The following TAFA5 variants were observed in gnomAD, a reference collection of about 807,000 sequenced individuals.
TAFA5 encodes chemokine-like protein TAFA-5.
A neutral mutation model predicts 15.3 loss-of-function variants in TAFA5; 6 were observed. The observed-to-expected ratio is 0.39, with a 90% confidence interval of 0.21 to 0.77. The LOEUF (loss-of-function observed/expected upper bound fraction) is 0.77. TAFA5 is among the 30% of genes least tolerant of loss of function. The pLI is 0.41. For missense variants in TAFA5, 161 were observed against 193.1 expected, an observed-to-expected ratio of 0.83 and a Z score of 0.98; for synonymous variants, 103 against 80.7, an observed-to-expected ratio of 1.28 and a Z score of -1.48.
intron 2 of TAFA5, chr22:48,693,339 A>T: frequency 6.2e-7 from 1 of 1,612,440 alleles, no homozygotes; most frequent in African/African-American, 1.3e-5. Context: ...AAAAACCAGG[A>T]AAGCACAAAC....
At chr22:48,531,404 C>T (rs192012791) in intron 1 of TAFA5, among the ~76,000 whole-genome samples, 2 of 152,310 alleles carry the variant, frequency 1.3e-5, no homozygotes, top group African/African-American at 4.8e-5. Flanking sequence ...TTGCAGACAA[C>T]GTGAGTCTTG....
chr22:48,675,181 A>G (rs2147225010), intron 2 of TAFA5, among the ~76,000 whole-genome samples: 2 of 152,292 alleles, frequency 1.3e-5, no homozygotes, highest in Non-Finnish European at 2.9e-5. Flanking sequence ...ACGTCAGGTG[A>G]TCCACCCACC....
At chr22:48,603,363 G>C (rs904551812) in intron 1 of TAFA5, among the ~76,000 whole-genome samples, 7 of 152,250 alleles carry the variant, frequency 4.6e-5, no homozygotes, top group African/African-American at 1.7e-4. Context: ...CGGCCACGCA[G>C]TGCGGCCACG....
intron 1 of TAFA5, among the ~76,000 whole-genome samples, chr22:48,594,411 A>G (rs28717991): frequency 0.19 from 29,399 of 152,174 alleles, 2,981 homozygotes; most frequent in East Asian, 0.24. Flanking sequence ...GCTCCGAGGC[A>G]CACACACACG....
chr22:48,497,466 A>AG (rs1928372453), intron 1 of TAFA5, among the ~76,000 whole-genome samples: 1 of 148,340 alleles, frequency 6.7e-6, no homozygotes. Flanking sequence ...TCCAGTGGCC[A>AG]GGGGTCATCA....
chr22:48,633,568 A>G (rs1269476116), intron 1 of TAFA5, among the ~76,000 whole-genome samples: 2 of 123,650 alleles, frequency 1.6e-5, no homozygotes, highest in Non-Finnish European at 3.4e-5. Flanking sequence ...CCATCTCTCC[A>G]TGCTTTGCTC....
intron 1 of TAFA5, chr22:48,546,680 A>C: frequency 2.2e-6 from 1 of 451,970 alleles, no homozygotes; most frequent in Non-Finnish European, 4.6e-6. Flanking sequence ...GGTCCGCAGG[A>C]TGGGGGGCTC....
intron 1 of TAFA5, chr22:48,539,542 C>A: frequency 2.2e-6 from 1 of 463,366 alleles, no homozygotes; most frequent in Non-Finnish European, 4.5e-6. Context: ...CTTTTCTCTT[C>A]CCACTTTCTG....
chr22:48,729,757 A>C (rs1013762672), intron 3 of TAFA5, among the ~76,000 whole-genome samples: 8 of 147,702 alleles, frequency 5.4e-5, no homozygotes, highest in Middle Eastern at 7.2e-3. Flanking sequence ...TTAAATATGA[A>C]ATATATAAAT....
chr22:48,707,914 C>A lies in TAFA5; in HGVS notation c.390+70C>A, dbSNP rs1043205306. On this transcript the variant is annotated intron_variant, in intron 3 of 3. Transcript: ENST00000402357. ...ATGTGTGTGCGGGCCTCCGACGCCA[C>A]CCGGGCTCCGCGGGGACAGGTGGCA... The A allele has an allele frequency of 5.8e-6, 9 of 1,554,734 alleles. No individual in the cohort carries two copies. In the African/African-American group the frequency reaches 9.5e-5, roughly 16 times the overall value.
chr22:48,622,762 T>C (rs960489578), intron 1 of TAFA5, among the ~76,000 whole-genome samples: 22 of 152,194 alleles, frequency 1.4e-4, no homozygotes, highest in African/African-American at 5.3e-4. Context: ...GCTCAGCTTG[T>C]GTGGCCGCCT....
intron 1 of TAFA5, among the ~76,000 whole-genome samples, chr22:48,606,295 G>A (rs548535291): frequency 2.6e-5 from 4 of 152,308 alleles, no homozygotes; most frequent in East Asian, 1.9e-4. Flanking sequence ...GTGGCGAACC[G>A]TCGGAGACAG....
intron 3 of TAFA5, among the ~76,000 whole-genome samples, chr22:48,741,807 T>C (rs1189415467): frequency 1.3e-5 from 2 of 152,196 alleles, no homozygotes; most frequent in South Asian, 4.1e-4. Flanking sequence ...GTTCAAGCCA[T>C]CCAGTCTGGG....
intron 2 of TAFA5, among the ~76,000 whole-genome samples, chr22:48,662,402 T>C (rs1286515391): frequency 6.6e-6 from 1 of 152,076 alleles, no homozygotes; most frequent in African/African-American, 2.4e-5. Flanking sequence ...GGACCATAAG[T>C]TCAGGGCAGC....
intron 3 of TAFA5, among the ~76,000 whole-genome samples, chr22:48,735,572 T>C (rs1410227568): frequency 6.6e-6 from 1 of 152,208 alleles, no homozygotes; most frequent in African/African-American, 2.4e-5. Flanking sequence ...AGGATGCTAA[T>C]AGGAATGAAG....
chr22:48,622,725 A>G (rs1925884011), intron 1 of TAFA5, among the ~76,000 whole-genome samples: 1 of 152,250 alleles, frequency 6.6e-6, no homozygotes, highest in Admixed American at 6.5e-5. Flanking sequence ...AGGAGGTGGT[A>G]TCGATGCGGG....
At chr22:48,576,281 G>T (rs967358955) in intron 1 of TAFA5, 50 of 373,756 alleles carry the variant, frequency 1.3e-4, no homozygotes, top group Non-Finnish European at 1.8e-4. Flanking sequence ...CCCTCCCCCC[G>T]CCCGCTCCCC....
rs184929637 is a variant in TAFA5, at chr22:48,657,966, A to G, written c.262+11220A>G. ...CCCTGCTAATAATGCCGCTTGCCTC[A>G]TCTTACATATGTTAATCAGCATCTG... On this transcript the variant is annotated intron_variant, in intron 2 of 3. Transcript: ENST00000402357. Among the ~76,000 whole-genome samples, 13 of 152,310 alleles carry G rather than the reference A, an allele frequency of 8.5e-5. No homozygotes were observed. The East Asian group carries it at 2.5e-3, about 29-fold the overall frequency.
intron 2 of TAFA5, among the ~76,000 whole-genome samples, chr22:48,691,518 C>T (rs1928540554): frequency 6.6e-6 from 1 of 152,110 alleles, no homozygotes; most frequent in Admixed American, 6.5e-5. Flanking sequence ...TGCTGAGCAC[C>T]CAGGGCAGAT....
Sources: gnomAD v4.1 joint callset for allele counts (sites outside exome capture counted in the v4.1 genomes callset) on GRCh38, gnomAD v4.1.1 for gene constraint, MANE v1.5 for transcripts, NCBI Gene and HGNC (gene_info 2026-07-23, HGNC 2026-07-21) for gene names.